AP3B1: variants seen among roughly 807,000 people sequenced by gnomAD.
The protein encoded by AP3B1 is AP-3 complex subunit beta-1.
In AP3B1, 61 loss-of-function variants were observed where a neutral mutation model predicts 132.5. The ratio of observed to expected loss-of-function variants is 0.46; its 90% confidence interval spans 0.37 to 0.57. AP3B1 has a LOEUF of 0.57. Among genes scored for constraint, AP3B1 ranks in the 20% least tolerant of loss-of-function variants. AP3B1 has a pLI of 0.00. For synonymous variants in AP3B1, 388 were observed against 438.3 expected (o/e 0.89, Z 1.43); for missense variants, 1,120 against 1,289.4 (o/e 0.87, Z 2.01).
At chr5:78,098,047 C>T (rs1176266295) in intron 21 of AP3B1, among the ~76,000 whole-genome samples, 1 of 151,274 alleles carries the variant, frequency 6.6e-6, no homozygotes, top group Admixed American at 6.6e-5. Context: ...AAGGGCGGTG[C>T]AAGATGTGCT....
At chr5:78,181,433 T>C (rs1744362649) in intron 8 of AP3B1, 74 bp downstream of exon 8, 1 of 1,401,248 alleles carries the variant, frequency 7.1e-7, no homozygotes, top group Admixed American at 1.7e-5. Flanking sequence ...CAGACTCACT[T>C]ACTAAATTGA....
intron 15 of AP3B1, 65 bp downstream of exon 15, chr5:78,141,078 C>G: frequency 1.4e-6 from 2 of 1,467,894 alleles, no homozygotes; most frequent in Non-Finnish European, 9.5e-7. Flanking sequence ...CACAGACCCC[C>G]GCTGTTTGAT....
intron 13 of AP3B1, among the ~76,000 whole-genome samples, chr5:78,161,842 C>G (rs1213716456): frequency 6.6e-6 from 1 of 151,750 alleles, no homozygotes; most frequent in African/African-American, 2.4e-5. Flanking sequence ...GAAATACTCT[C>G]AACAATGTTA....
intron 22 of AP3B1, among the ~76,000 whole-genome samples, chr5:78,065,371 G>C (rs910839170): frequency 7.9e-5 from 12 of 151,946 alleles, no homozygotes; most frequent in African/African-American, 2.4e-4. Context: ...CAGGGGAAGG[G>C]GGGCAGCTGC....
chr5:78,294,189 T>C (rs1204538878), intron 1 of AP3B1, among the ~76,000 whole-genome samples: 4 of 152,090 alleles, frequency 2.6e-5, no homozygotes. Flanking sequence ...TCTTCAGGGG[T>C]GGGATCTAAG....
chr5:78,076,736 G>T (rs1368500853), intron 22 of AP3B1, among the ~76,000 whole-genome samples: 1 of 152,088 alleles, frequency 6.6e-6, no homozygotes, highest in Non-Finnish European at 1.5e-5. Flanking sequence ...AACAATCAAG[G>T]CTATATGATG....
At chr5:78,183,175 G>C (rs913604316) in intron 7 of AP3B1, among the ~76,000 whole-genome samples, 11 of 152,168 alleles carry the variant, frequency 7.2e-5, no homozygotes, top group African/African-American at 2.7e-4. Flanking sequence ...ATTCACCTAT[G>C]GTAACAATGA....
At chr5:78,131,103 T>C (rs1752668105) in intron 15 of AP3B1, among the ~76,000 whole-genome samples, 1 of 151,848 alleles carries the variant, frequency 6.6e-6, no homozygotes, top group Non-Finnish European at 1.5e-5. Context: ...TTCTAAAAGA[T>C]AAAAACAAAT....
chr5:78,124,255 G>A (rs947746286), intron 17 of AP3B1, among the ~76,000 whole-genome samples: 20 of 152,106 alleles, frequency 1.3e-4, no homozygotes, highest in Non-Finnish European at 2.6e-4. Context: ...GCTAAATGAC[G>A]AGTTAATGGG....
At chr5:78,008,212 TAGTA>T (rs1368013984) in intron 26 of AP3B1, among the ~76,000 whole-genome samples, 2 of 152,200 alleles carry the variant, frequency 1.3e-5, no homozygotes, top group African/African-American at 4.8e-5. Context: ...GGAAAACTAA[TAGTA>T]AAACAAATAC....
chr5:78,192,596 T>A (rs1272416963), intron 7 of AP3B1, among the ~76,000 whole-genome samples: 1 of 151,962 alleles, frequency 6.6e-6, no homozygotes, highest in African/African-American at 2.4e-5. Context: ...GAGCCAAAAT[T>A]GCGCCACTGC....
At chr5:78,120,935 A>G (rs1182279509) in intron 17 of AP3B1, among the ~76,000 whole-genome samples, 2 of 152,226 alleles carry the variant, frequency 1.3e-5, no homozygotes, top group East Asian at 3.8e-4. Context: ...TTGACCACAT[A>G]GTTGGAAGTA....
At chr5:78,292,785 A>G (rs1749585527) in intron 1 of AP3B1, among the ~76,000 whole-genome samples, 1 of 151,962 alleles carries the variant, frequency 6.6e-6, no homozygotes, top group Non-Finnish European at 1.5e-5. Context: ...CCAACCTGTT[A>G]GGTCACCTCA....
At chr5:78,037,577 CA>C (rs1463155641) in intron 23 of AP3B1, among the ~76,000 whole-genome samples, 1 of 152,060 alleles carries the variant, frequency 6.6e-6, no homozygotes, top group African/African-American at 2.4e-5. Context: ...AACACACACA[CA>C]AAATGACTTT....
intron 22 of AP3B1, among the ~76,000 whole-genome samples, chr5:78,040,806 G>C (rs934015240): frequency 6.6e-6 from 1 of 152,014 alleles, no homozygotes; most frequent in Non-Finnish European, 1.5e-5. Flanking sequence ...TCACTATGCC[G>C]TGTACACCTG....
intron 11 of AP3B1, among the ~76,000 whole-genome samples, chr5:78,169,733 G>GTTATTTA (rs138208601): frequency 0.028 from 4,247 of 151,246 alleles, 166 homozygotes; most frequent in African/African-American, 0.077. Context: ...AAGCCCTGAA[G>GTTATTTA]TTTATTTATT....
intron 7 of AP3B1, among the ~76,000 whole-genome samples, chr5:78,201,598 C>G (rs557636194): frequency 1.8e-3 from 267 of 152,240 alleles, no homozygotes; most frequent in African/African-American, 6.1e-3. Flanking sequence ...ATATTAAGCT[C>G]TACAACAAGT....
intron 13 of AP3B1, among the ~76,000 whole-genome samples, chr5:78,156,670 GT>G (rs1430237743): frequency 6.6e-6 from 1 of 152,258 alleles, no homozygotes; most frequent in South Asian, 2.1e-4. Context: ...TCACCATAGT[GT>G]TCTATGTCTT....
intron 17 of AP3B1, among the ~76,000 whole-genome samples, chr5:78,116,873 T>C (rs1222062083): frequency 6.6e-6 from 1 of 152,042 alleles, no homozygotes. Flanking sequence ...AGAATGATTA[T>C]ATTAAAACCT....
Sources: allele counts gnomAD v4.1 joint callset (sites outside exome capture counted in the v4.1 genomes callset), GRCh38; gene constraint gnomAD v4.1.1; transcripts MANE v1.5; gene names NCBI Gene and HGNC (gene_info 2026-07-23, HGNC 2026-07-21).